The following CDH2 variants were observed in gnomAD, a reference collection of about 807,000 sequenced individuals.
The protein encoded by CDH2 is cadherin 2.
CDH2 carries 17 observed loss-of-function variants against 92.0 expected under a neutral mutation model. That is an observed-to-expected ratio of 0.18 (90% CI 0.13 to 0.28). The LOEUF (loss-of-function observed/expected upper bound fraction) is 0.28. Among genes scored for constraint, CDH2 ranks in the 10% least tolerant of loss-of-function variants. The pLI is 1.00. For synonymous variants in CDH2, 419 were observed against 415.9 expected, an observed-to-expected ratio of 1.01 and a Z score of -0.09; for missense variants, 862 against 1,133.1, an observed-to-expected ratio of 0.76 and a Z score of 3.44.
At chr18:28,031,400 G>C (rs941435620) in intron 2 of CDH2, among the ~76,000 whole-genome samples, 13 of 151,978 alleles carry the variant, frequency 8.6e-5, no homozygotes, top group Non-Finnish European at 1.0e-4. Flanking sequence ...GTCATAGATA[G>C]AAGACTCTAA....
chr18:28,011,756 A>G, intron 4 of CDH2, 90 bp downstream of exon 4: 1 of 1,306,540 alleles, frequency 7.7e-7, no homozygotes, highest in Non-Finnish European at 1.1e-6. Flanking sequence ...TACATGTCAT[A>G]AATTCTACTT....
chr18:28,024,519 A>G, intron 2 of CDH2, among the ~76,000 whole-genome samples: 1 of 150,784 alleles, frequency 6.6e-6, no homozygotes, highest in East Asian at 1.9e-4. Context: ...GCTTTAAAAT[A>G]AAGCGAATAA....
At chr18:28,114,925 A>G (rs1435254906) in intron 2 of CDH2, among the ~76,000 whole-genome samples, 1 of 152,156 alleles carries the variant, frequency 6.6e-6, no homozygotes, top group East Asian at 1.9e-4. Context: ...TCTTACAATG[A>G]ATAGCTTTAA....
At chr18:28,122,511 G>T (rs1026471471) in intron 2 of CDH2, among the ~76,000 whole-genome samples, 1 of 152,054 alleles carries the variant, frequency 6.6e-6, no homozygotes, top group African/African-American at 2.4e-5. Flanking sequence ...TAGCTAAGTT[G>T]GGTTTTTCAT....
intron 2 of CDH2, among the ~76,000 whole-genome samples, chr18:28,049,430 G>A (rs1246973773): frequency 2.0e-5 from 3 of 152,114 alleles, no homozygotes; most frequent in Non-Finnish European, 4.4e-5. Context: ...GAGACGAAAT[G>A]AACAGGACAA....
intron 2 of CDH2, among the ~76,000 whole-genome samples, chr18:28,130,332 G>C (rs1256650178): frequency 1.3e-5 from 2 of 152,142 alleles, no homozygotes; most frequent in African/African-American, 4.8e-5. Flanking sequence ...AGGAGGAAAT[G>C]CTTTTCAAAG....
intron 6 of CDH2, among the ~76,000 whole-genome samples, chr18:27,934,273 T>C (rs1273454633): frequency 6.6e-6 from 1 of 152,206 alleles, no homozygotes; most frequent in East Asian, 1.9e-4. Flanking sequence ...TCGATGTCTG[T>C]CAAACTAGCC....
At chr18:27,960,767 T>A (rs1053926844) in intron 15 of CDH2, among the ~76,000 whole-genome samples, 6 of 152,184 alleles carry the variant, frequency 3.9e-5, no homozygotes, top group Non-Finnish European at 5.9e-5. Flanking sequence ...ATGCAGATAA[T>A]CTTCAAATTA....
intron 1 of CDH2, among the ~76,000 whole-genome samples, chr18:28,172,898 C>T (rs2016485873): frequency 6.6e-6 from 1 of 152,150 alleles, no homozygotes. Flanking sequence ...ATTTTAATCA[C>T]TTAGGATTAA....
At chr18:27,961,723 G>C (rs573225291) in intron 15 of CDH2, among the ~76,000 whole-genome samples, 3 of 152,230 alleles carry the variant, frequency 2.0e-5, no homozygotes, top group African/African-American at 7.2e-5. Context: ...GAAATCCACA[G>C]AACACTGGTA....
chr18:28,105,359 A>C (rs1424324557), intron 2 of CDH2, among the ~76,000 whole-genome samples: 1 of 152,212 alleles, frequency 6.6e-6, no homozygotes, highest in Non-Finnish European at 1.5e-5. Context: ...AAATAGAGCA[A>C]ACTCTATCAA....
intron 2 of CDH2, among the ~76,000 whole-genome samples, chr18:28,021,009 C>T (rs2013395366): frequency 6.6e-6 from 1 of 151,828 alleles, no homozygotes; most frequent in Admixed American, 6.6e-5. Context: ...GATGGTTAAA[C>T]ATGCTAATTA....
intron 2 of CDH2, among the ~76,000 whole-genome samples, chr18:28,107,383 G>A (rs548666541): frequency 2.7e-4 from 41 of 151,898 alleles, no homozygotes; most frequent in African/African-American, 6.8e-4. Flanking sequence ...AGTGTATGAC[G>A]GTATGCATAT....
intron 2 of CDH2, among the ~76,000 whole-genome samples, chr18:28,070,509 A>G (rs917920631): frequency 2.0e-5 from 3 of 152,192 alleles, no homozygotes; most frequent in Non-Finnish European, 4.4e-5. Flanking sequence ...CGACCAACAC[A>G]AAAAGGAGAC....
chr18:28,151,184 T>C (rs1208896018), intron 1 of CDH2, among the ~76,000 whole-genome samples: 2 of 152,224 alleles, frequency 1.3e-5, no homozygotes, highest in Admixed American at 6.5e-5. Context: ...TTGTTGGGCA[T>C]TGGAAGTTCT....
At chr18:28,081,331 C>A (rs988859741) in intron 2 of CDH2, among the ~76,000 whole-genome samples, 2 of 152,174 alleles carry the variant, frequency 1.3e-5, no homozygotes, top group Non-Finnish European at 2.9e-5. Context: ...CACTGAAGCA[C>A]TTCCTAAAGC....
chr18:28,167,202 A>C (rs966746285), intron 1 of CDH2, among the ~76,000 whole-genome samples: 1 of 152,080 alleles, frequency 6.6e-6, no homozygotes, highest in African/African-American at 2.4e-5. Context: ...TCTCGTTCTA[A>C]TAAAAGGAAG....
chr18:28,019,035 G>A (rs1355103433), intron 2 of CDH2, among the ~76,000 whole-genome samples: 3 of 151,910 alleles, frequency 2.0e-5, no homozygotes, highest in African/African-American at 4.8e-5. Context: ...TCAAAGTGAT[G>A]TAACTTCAGG....
chr18:28,174,806 T>C (rs1369748940), intron 1 of CDH2, among the ~76,000 whole-genome samples: 1 of 152,180 alleles, frequency 6.6e-6, no homozygotes, highest in African/African-American at 2.4e-5. Flanking sequence ...CAGTATTCAA[T>C]TAAAACTCAC....
Sources: allele counts gnomAD v4.1 joint callset (sites outside exome capture counted in the v4.1 genomes callset), GRCh38; gene constraint gnomAD v4.1.1; transcripts MANE v1.5; gene names NCBI Gene and HGNC (gene_info 2026-07-23, HGNC 2026-07-21).